Variants in TET2 observed in about 807,000 individuals in gnomAD.
The protein encoded by TET2 is tet methylcytosine dioxygenase 2, also known as methylcytosine dioxygenase TET2.
TET2 carries 299 observed loss-of-function variants against 142.9 expected under a neutral mutation model. That is an observed-to-expected ratio of 2.09 (90% confidence interval 1.90 to 2.30). TET2 has a LOEUF of 2.30. Ranked by LOEUF, TET2 falls within the 30% of genes most tolerant of loss-of-function variation. TET2 has a pLI of 0.00. For synonymous variants in TET2, 819 were observed against 849.0 expected (o/e 0.96, Z 0.61); for missense variants, 2,418 against 2,378.0 (o/e 1.02, Z -0.35).
At chr4:105,151,973 G>T (rs1297573749) in intron 1 of TET2, among the ~76,000 whole-genome samples, 1 of 151,984 alleles carries the variant, frequency 6.6e-6, no homozygotes, top group Non-Finnish European at 1.5e-5. Context: ...TACTCAGGAG[G>T]CTGAGGCCCG....
chr4:105,259,596 A>G, intron 6 of TET2, 23 bp from the exon 7 acceptor site: 1 of 1,549,614 alleles, frequency 6.5e-7, no homozygotes, highest in African/African-American at 1.4e-5. Flanking sequence ...CATAGCAATG[A>G]ATTTGGTCTT....
At chr4:105,261,332 T>C (rs992902275) in intron 7 of TET2, among the ~76,000 whole-genome samples, 1 of 152,092 alleles carries the variant, frequency 6.6e-6, no homozygotes, top group African/African-American at 2.4e-5. Context: ...TATGGAGAGA[T>C]CATTCCAAAT....
At chr4:105,175,276 C>G (rs1724716881) in intron 1 of TET2, among the ~76,000 whole-genome samples, 1 of 151,978 alleles carries the variant, frequency 6.6e-6, no homozygotes, top group South Asian at 2.1e-4. Context: ...TTGGAATTAT[C>G]AGACCAGAAA....
Position 105,163,102 on chromosome 4 carries a change from A to G in TET2, c.-193+16123A>G, listed in dbSNP as rs979118477. Among the ~76,000 whole-genome samples, 5 of 152,360 alleles carry G rather than the reference A, an allele frequency of 3.3e-5. No individual in the cohort carries two copies. In the South Asian group the frequency reaches 1.0e-3, roughly 32 times the overall value. On this transcript the variant is annotated intron_variant, in intron 1 of 10. Transcript: ENST00000380013. Reference sequence around the variant, plus strand: ...CTGTCACAAATTATGAACATTTTAAATATGTATTTTAAACTTTTTCCTACT... The same window carrying G: ...CTGTCACAAATTATGAACATTTTAAGTATGTATTTTAAACTTTTTCCTACT...
intron 1 of TET2, among the ~76,000 whole-genome samples, chr4:105,169,256 G>T (rs955058253): frequency 6.6e-6 from 1 of 151,918 alleles, no homozygotes; most frequent in East Asian, 1.9e-4. Flanking sequence ...ACTATTTTTT[G>T]ATTTTTTATT....
intron 1 of TET2, among the ~76,000 whole-genome samples, chr4:105,148,221 G>A (rs2110338388): frequency 6.6e-6 from 1 of 152,242 alleles, no homozygotes; most frequent in East Asian, 1.9e-4. Context: ...GGCCGAAAAT[G>A]AAATATAAGT....
At chr4:105,251,278 A>T (rs1729856342) in intron 6 of TET2, among the ~76,000 whole-genome samples, 1 of 152,162 alleles carries the variant, frequency 6.6e-6, no homozygotes, top group Non-Finnish European at 1.5e-5. Context: ...AATGTCAGGT[A>T]CAATTAACAA....
chr4:105,175,649 A>G (rs562226409), intron 1 of TET2, among the ~76,000 whole-genome samples: 14 of 152,268 alleles, frequency 9.2e-5, no homozygotes, highest in African/African-American at 2.9e-4. Flanking sequence ...GATTAGATGC[A>G]ATATTTGAAG....
chr4:105,251,852 G>A (rs1729884219), intron 6 of TET2, among the ~76,000 whole-genome samples: 1 of 152,042 alleles, frequency 6.6e-6, no homozygotes, highest in Non-Finnish European at 1.5e-5. Flanking sequence ...TTCCTTTGTG[G>A]GAATTTTTAA....
intron 9 of TET2, among the ~76,000 whole-genome samples, chr4:105,271,779 A>G (rs1286503622): frequency 6.6e-6 from 1 of 152,228 alleles, no homozygotes; most frequent in South Asian, 2.1e-4. Context: ...TACCAAAGCT[A>G]GTGTAATTGT....
chr4:105,194,659 C>T (rs1725975810), intron 2 of TET2, among the ~76,000 whole-genome samples: 2 of 152,062 alleles, frequency 1.3e-5, no homozygotes, highest in Admixed American at 6.6e-5. Context: ...CTTTGAGTCA[C>T]AGGATTATAA....
intron 2 of TET2, 128 bp downstream of exon 2, chr4:105,190,633 C>G: frequency 1.6e-6 from 1 of 609,126 alleles, no homozygotes; most frequent in South Asian, 2.0e-5. Flanking sequence ...TCTTTATTGT[C>G]TATGCTTAGG....
At chr4:105,147,242 C>T (rs1723067721) in intron 1 of TET2, among the ~76,000 whole-genome samples, 1 of 152,254 alleles carries the variant, frequency 6.6e-6, no homozygotes, top group Non-Finnish European at 1.5e-5. Context: ...GAAAACTTAC[C>T]TTTGTGCCTC....
At chr4:105,209,577 A>G (rs1317859770) in intron 2 of TET2, among the ~76,000 whole-genome samples, 1 of 152,118 alleles carries the variant, frequency 6.6e-6, no homozygotes, top group African/African-American at 2.4e-5. Context: ...GTTTGTCACA[A>G]TGGGAACAAA....
Position 105,215,698 on chromosome 4 carries a change from C to T in TET2, c.-46-18199C>T, listed in dbSNP as rs540653975. On this transcript the variant is annotated intron_variant, in intron 2 of 10. Coordinates refer to ENST00000380013, the MANE Select transcript of TET2 (RefSeq NM_001127208.3). ...TAACTGCAGTACAGATGAGATCAGC[C>T]AGTTTTTTTTTCCCCCTTATCTGCA... Among the ~76,000 whole-genome samples, 5 of 152,224 alleles carry T rather than the reference C, an allele frequency of 3.3e-5. No individual in the cohort carries two copies. In the East Asian group the frequency reaches 5.8e-4, roughly 18 times the overall value.
At chr4:105,227,357 T>C (rs1176273755) in intron 2 of TET2, among the ~76,000 whole-genome samples, 1 of 152,188 alleles carries the variant, frequency 6.6e-6, no homozygotes, top group East Asian at 1.9e-4. Context: ...AGCATCCTCT[T>C]AGGAAAGACA....
intron 6 of TET2, among the ~76,000 whole-genome samples, chr4:105,244,249 G>T (rs900611036): frequency 3.9e-5 from 6 of 152,266 alleles, no homozygotes; most frequent in East Asian, 1.9e-4. Context: ...TGTAGAAATA[G>T]AACTGATTTT....
chr4:105,238,869 T>C (rs1169450551), intron 3 of TET2: 2 of 239,408 alleles, frequency 8.4e-6, no homozygotes, highest in Admixed American at 1.1e-4. Context: ...CAGAAGACTA[T>C]CTTGGCAGCT....
intron 1 of TET2, among the ~76,000 whole-genome samples, chr4:105,188,976 A>G (rs1422999125): frequency 6.6e-6 from 1 of 152,054 alleles, no homozygotes; most frequent in South Asian, 2.1e-4. Flanking sequence ...TTTTTAATAT[A>G]CTAAAACCCA....
Sources: allele counts gnomAD v4.1 joint callset (sites outside exome capture counted in the v4.1 genomes callset), GRCh38; gene constraint gnomAD v4.1.1; transcripts MANE v1.5; gene names NCBI Gene and HGNC (gene_info 2026-07-23, HGNC 2026-07-21).